Variants in HOPX observed in about 807,000 individuals in gnomAD.
HOPX encodes HOP homeobox.
HOPX carries 5 observed loss-of-function variants against 11.8 expected under a neutral mutation model. That is an observed-to-expected ratio of 0.43 (90% CI 0.22 to 0.89). The LOEUF (loss-of-function observed/expected upper bound fraction) is 0.89, where lower values mean the gene tolerates loss of function less well. Ranked by LOEUF, HOPX falls within the 40% of genes least tolerant of loss-of-function variation. HOPX has a pLI of 0.28. For missense variants in HOPX, 119 were observed against 120.0 expected (o/e 0.99, Z 0.04); for synonymous variants, 49 against 49.7 (o/e 0.99, Z 0.06).
At chr4:56,661,616 A>G (rs956096726) in intron 1 of HOPX, among the ~76,000 whole-genome samples, 1 of 152,254 alleles carries the variant, frequency 6.6e-6, no homozygotes, top group Non-Finnish European at 1.5e-5. Flanking sequence ...CAACACTTGT[A>G]CGGTCAAACC....
intron 3 of HOPX, among the ~76,000 whole-genome samples, chr4:56,653,263 C>T (rs1290119656): frequency 6.6e-6 from 1 of 151,984 alleles, no homozygotes; most frequent in African/African-American, 2.4e-5. Context: ...TGCCATGTTG[C>T]CCAGGCTGGT....
At chr4:56,674,258 T>C (rs1226872274) in intron 1 of HOPX, among the ~76,000 whole-genome samples, 3 of 151,680 alleles carry the variant, frequency 2.0e-5, no homozygotes, top group Admixed American at 1.3e-4. Context: ...GTTATTAAAT[T>C]AAATATTAGC....
rs1022989268 is a variant in HOPX, at chr4:56,648,524, A to G, written c.*196T>C. 3 of 431,526 alleles carry G rather than the reference A, an allele frequency of 7.0e-6. No individual in the cohort carries two copies. The highest frequency in any genetic ancestry group is 1.2e-5 in the Non-Finnish European group (3 of 240,544). The allele number at this position is 431,526 out of a possible 1,614,324, so 26.7% of individuals were successfully genotyped here. A position where few individuals can be genotyped will look rare whatever the true frequency, so the allele number is the denominator to read the frequency against. On this transcript the variant is annotated 3_prime_UTR_variant, in exon 4 of 4. Coordinates refer to ENST00000420433, the MANE Select transcript of HOPX (RefSeq NM_032495.6). The stretch of plus-strand genomic sequence containing the variant: ...GAAGCCACTGCTTTACACAGAAGAT[A>G]CACATAGCTTCCTATTGTTATTTTC...
In HOPX at chr4:56,656,512, C is replaced by G. The variant is rs376379244; in HGVS notation, c.43-500G>C. The G allele has an allele frequency of 4.8e-5, 47 of 982,870 alleles. No individual in the cohort carries two copies. The African/African-American group carries it at 7.9e-4, about 16-fold the overall frequency. 60.9% of individuals were successfully genotyped at this position (982,870 alleles called of 1,614,324 possible). A position where few individuals can be genotyped will look rare whatever the true frequency, so the allele number is the denominator to read the frequency against. Reference sequence around the variant, plus strand: ...GGCCTCCGGCCTCCCCGGTAGGCGGCCTTCTGTCTCCGCAGTGGGTTGGCG... The same window carrying G: ...GGCCTCCGGCCTCCCCGGTAGGCGGGCTTCTGTCTCCGCAGTGGGTTGGCG... On this transcript the variant is annotated intron_variant, in intron 2 of 3. Coordinates refer to ENST00000420433, the MANE Select transcript of HOPX (RefSeq NM_032495.6).
chr4:56,663,250 G>C (rs148272321), intron 1 of HOPX: 1 of 152,074 alleles, frequency 6.6e-6, no homozygotes, highest in Admixed American at 6.6e-5. Flanking sequence ...CCTAGAACAC[G>C]CTGCACTTGA....
chr4:56,672,547 AAAAAG>A (rs1342106958), intron 1 of HOPX: 1 of 151,894 alleles, frequency 6.6e-6, no homozygotes, highest in African/African-American at 2.4e-5. Context: ...TTAAAAAAAA[AAAAAG>A]AAAAGAAAGA....
In HOPX at chr4:56,660,852, G is replaced by C. The variant is rs147127641; in HGVS notation, c.-83-2953C>G. Among the ~76,000 whole-genome samples the C allele has an allele frequency of 5.9e-3, 904 of 152,260 alleles. 7 individuals carry two copies. The highest frequency in any genetic ancestry group is 0.021 in the African/African-American group (856 of 41,532). ...GCATTAAAGCATTACCAAGACTATGGAAGCTACCTGTTTTTTTCCCGGAGT... is the reference window on the plus strand; with the variant it reads ...GCATTAAAGCATTACCAAGACTATGCAAGCTACCTGTTTTTTTCCCGGAGT... On this transcript the variant is annotated intron_variant, in intron 1 of 3. Transcript: ENST00000420433.
intron 1 of HOPX, among the ~76,000 whole-genome samples, chr4:56,668,980 G>A (rs1334441742): frequency 2.0e-5 from 3 of 152,192 alleles, no homozygotes; most frequent in Non-Finnish European, 4.4e-5. Context: ...GATCCAGTGA[G>A]ATTATGCTCA....
intron 1 of HOPX, 122 bp from the exon 2 acceptor site, chr4:56,658,021 C>T: frequency 1.4e-6 from 1 of 737,992 alleles, no homozygotes; most frequent in Non-Finnish European, 2.1e-6. Context: ...ACGGGAACCA[C>T]CCACCACTGC....
chr4:56,659,384 G>T (rs952145629), intron 1 of HOPX: 4 of 152,198 alleles, frequency 2.6e-5, no homozygotes, highest in Non-Finnish European at 5.9e-5. Context: ...AAGAGAAGTG[G>T]TGGGTCTTTG....
At chr4:56,650,672 A>T (rs1037837919) in intron 3 of HOPX, 1 of 1,551,542 alleles carries the variant, frequency 6.4e-7, no homozygotes, top group Non-Finnish European at 8.7e-7. Flanking sequence ...AGTTGTCAAG[A>T]TCTTACATAC....
chr4:56,679,442 C>T (rs1719203628), intron 1 of HOPX: 1 of 151,872 alleles, frequency 6.6e-6, no homozygotes. Flanking sequence ...TTCTCCTGCC[C>T]CTACCTTCCC....
At chr4:56,655,767 C>G (rs1717632778) in intron 3 of HOPX, 90 bp downstream of exon 3, 1 of 1,427,244 alleles carries the variant, frequency 7.0e-7, no homozygotes, top group South Asian at 1.2e-5. Context: ...GGCAGCCCGG[C>G]GGGAGGCGCG....
chr4:56,657,100 G>T (rs1157208395), intron 2 of HOPX, among the ~76,000 whole-genome samples: 1 of 152,080 alleles, frequency 6.6e-6, no homozygotes, highest in Non-Finnish European at 1.5e-5. Context: ...CTTCCTGCTG[G>T]GTTCTCTCCA....
intron 1 of HOPX, among the ~76,000 whole-genome samples, chr4:56,668,877 C>A (rs1468326105): frequency 6.6e-6 from 1 of 152,182 alleles, no homozygotes; most frequent in African/African-American, 2.4e-5. Flanking sequence ...CTCACATATC[C>A]TTGGCTGCTT....
chr4:56,665,882 G>A (rs1005275012), intron 1 of HOPX, among the ~76,000 whole-genome samples: 8 of 152,082 alleles, frequency 5.3e-5, no homozygotes, highest in Non-Finnish European at 1.0e-4. Flanking sequence ...CTGCATCCAT[G>A]CTCTTAATCA....
intron 1 of HOPX, among the ~76,000 whole-genome samples, chr4:56,661,299 C>T (rs1029069331): frequency 6.6e-6 from 1 of 152,156 alleles, no homozygotes; most frequent in Admixed American, 6.5e-5. Context: ...CGTTCATATT[C>T]AATGCTGTTT....
Position 56,648,049 on chromosome 4 carries a change from C to T in HOPX, c.*671G>A, listed in dbSNP as rs1716821594. ...AGAATATCATTTTAGAGACAAAAAG[C>T]AGTTCACTTTATTTAGCAAAATAAA... On this transcript the variant is annotated 3_prime_UTR_variant, in exon 4 of 4. Coordinates refer to ENST00000420433, the MANE Select transcript of HOPX (RefSeq NM_032495.6). The T allele has an allele frequency of 6.6e-6, 1 of 152,064 alleles. No homozygotes were observed. Among genetic ancestry groups the T allele is most frequent in the Non-Finnish European group, 1.5e-5 (1 of 68,026 alleles). The allele number at this position is 152,064 out of a possible 1,614,324, so 9.4% of individuals were successfully genotyped here. A position where few individuals can be genotyped will look rare whatever the true frequency, so the allele number is the denominator to read the frequency against.
At chr4:56,650,866 C>G in intron 3 of HOPX, 2 of 1,488,916 alleles carry the variant, frequency 1.3e-6, no homozygotes, top group South Asian at 2.7e-5. Context: ...CGAAATTCTA[C>G]TGCTAAGGGT....
Sources: gnomAD v4.1 joint callset for allele counts (sites outside exome capture counted in the v4.1 genomes callset) on GRCh38, gnomAD v4.1.1 for gene constraint, MANE v1.5 for transcripts, NCBI Gene and HGNC (gene_info 2026-07-23, HGNC 2026-07-21) for gene names.